Variants in AXIN1 observed in about 807,000 individuals in gnomAD.
AXIN1 encodes the protein axin 1.
AXIN1 carries 30 observed loss-of-function variants against 76.4 expected under a neutral mutation model. That is an observed-to-expected ratio of 0.39 (90% CI 0.29 to 0.53). The LOEUF (loss-of-function observed/expected upper bound fraction) is 0.53, where lower values mean the gene tolerates loss of function less well. Ranked by LOEUF, AXIN1 falls within the 20% of genes least tolerant of loss-of-function variation. The probability of loss-of-function intolerance (pLI) is 0.66; values close to 1 mark genes in which losing one functional copy is unlikely to be tolerated. For missense variants in AXIN1, 1,140 were observed against 1,198.8 expected (o/e 0.95, Z 0.72); for synonymous variants, 545 against 501.4 (o/e 1.09, Z -1.16).
intron 2 of AXIN1, among the ~76,000 whole-genome samples, chr16:333,333 GA>G (rs947297130): frequency 5.0e-5 from 7 of 139,920 alleles, no homozygotes; most frequent in African/African-American, 1.1e-4. Context: ...ATTCCATCTC[GA>G]AAAAAAAAAA....
At chr16:319,537 G>A (rs2053391024) in intron 2 of AXIN1, among the ~76,000 whole-genome samples, 1 of 152,190 alleles carries the variant, frequency 6.6e-6, no homozygotes, top group South Asian at 2.1e-4. Flanking sequence ...GAGAAGCCAT[G>A]AGGCGGCCAG....
At chr16:321,015 G>T (rs2141619208) in intron 2 of AXIN1, among the ~76,000 whole-genome samples, 1 of 152,266 alleles carries the variant, frequency 6.6e-6, no homozygotes, top group African/African-American at 2.4e-5. Context: ...TGGGATTACA[G>T]GCTTAAGCCA....
At chr16:347,949 A>G (rs2054066228) in intron 1 of AXIN1, among the ~76,000 whole-genome samples, 1 of 152,254 alleles carries the variant, frequency 6.6e-6, no homozygotes, top group Non-Finnish European at 1.5e-5. Context: ...GAAGGTACAG[A>G]ATAAAAGGAA....
intron 2 of AXIN1, among the ~76,000 whole-genome samples, chr16:319,344 G>C (rs2053386105): frequency 6.6e-6 from 1 of 152,160 alleles, no homozygotes; most frequent in East Asian, 1.9e-4. Flanking sequence ...AAATGTCGTG[G>C]AGAGGAGGCA....
intron 2 of AXIN1, among the ~76,000 whole-genome samples, chr16:322,165 C>T (rs902268367): frequency 1.4e-4 from 21 of 152,182 alleles, no homozygotes; most frequent in Non-Finnish European, 1.9e-4. Flanking sequence ...ATGCCGCAGG[C>T]GTGAGGCTGG....
intron 4 of AXIN1, among the ~76,000 whole-genome samples, chr16:305,645 G>A (rs897406917): frequency 6.6e-6 from 1 of 152,082 alleles, no homozygotes; most frequent in African/African-American, 2.4e-5. Context: ...CCGGGTTCAC[G>A]CCATTCTCCT....
In AXIN1 at chr16:293,584, G is replaced by A. The variant is rs1407651062; in HGVS notation, c.2090C>T (p.Pro697Leu). 1 of 1,612,614 alleles carries A rather than the reference G, an allele frequency of 6.2e-7. No homozygotes were observed. Among genetic ancestry groups the A allele is most frequent in the East Asian group, 2.2e-5 (1 of 44,876 alleles). The change falls in exon 8 of 11, where the codon CCC (proline) becomes CTC (leucine). Residue 697 changes from proline to leucine, a missense_variant. Pro to Leu is a moderately conservative substitution (Grantham distance 98, BLOSUM62 -3). Transcript: ENST00000262320. This position sits in a 1 kb window ranked among gnomAD's most constrained non-coding sequence, Gnocchi z 4.6. The stretch of plus-strand genomic sequence containing the variant: ...GGTTAGGGGGTTGGGAGCTGGGTGG[G>A]GTGGCATGGTGGGGTCTTGGATGAA... ...HLFIQDPTMP[P>L]HPAPNPLTQL...
intron 2 of AXIN1, among the ~76,000 whole-genome samples, chr16:336,888 G>A (rs56778977): frequency 0.029 from 4,345 of 149,352 alleles, 202 homozygotes; most frequent in African/African-American, 0.095. Context: ...AGTGGCTCAC[G>A]CCTGTAATCC....
chr16:293,976 G>A lies in AXIN1; in HGVS notation c.1956-258C>T, dbSNP rs929323722. Reference sequence around the variant, plus strand: ...GCAGATCACCAGAGGTCGGGAGTTCGAGATCAACCTAACATGGTGAAACCT... The same window carrying A: ...GCAGATCACCAGAGGTCGGGAGTTCAAGATCAACCTAACATGGTGAAACCT... On this transcript the variant is annotated intron_variant, in intron 7 of 10. Coordinates refer to ENST00000262320, the MANE Select transcript of AXIN1 (RefSeq NM_003502.4). The surrounding 1 kb of genome is among the most constrained non-coding windows in gnomAD (Gnocchi z 4.6). Among the ~76,000 whole-genome samples, 12 of 147,632 alleles carry A rather than the reference G, an allele frequency of 8.1e-5. No homozygotes were observed. Among genetic ancestry groups the A allele is most frequent in the Admixed American group, 2.0e-4 (3 of 14,834 alleles).
chr16:296,930 A>G, intron 7 of AXIN1, 126 bp downstream of exon 7: 9 of 1,197,736 alleles, frequency 7.5e-6, no homozygotes, highest in Non-Finnish European at 1.1e-5. Context: ...CCACAGTGAC[A>G]GGGGAAGTGT....
chr16:289,763 A>G (rs1361411372), intron 9 of AXIN1, 156 bp from the exon 10 acceptor site: 1 of 883,886 alleles, frequency 1.1e-6, no homozygotes, highest in South Asian at 1.6e-5. Flanking sequence ...CCCGCACAGC[A>G]TCTCAATCTG....
intron 2 of AXIN1, among the ~76,000 whole-genome samples, chr16:332,657 C>T (rs550532407): frequency 3.9e-5 from 4 of 103,446 alleles, no homozygotes; most frequent in East Asian, 4.9e-4. Flanking sequence ...CAATGTTGAT[C>T]TAAACCAAAA....
rs192038381 is a variant in AXIN1, at chr16:290,033, G to A, written c.2295-426C>T. On this transcript the variant is annotated intron_variant, in intron 9 of 10. Transcript: ENST00000262320. Reference sequence around the variant, plus strand: ...TTCTGGATAAGCCTGACCCCGCAGCGAAGTTTGTCGGAGGACTGGGGCGGG... The same window carrying A: ...TTCTGGATAAGCCTGACCCCGCAGCAAAGTTTGTCGGAGGACTGGGGCGGG... 5 of 272,056 alleles carry A rather than the reference G, an allele frequency of 1.8e-5. 1 individual carries two copies. Among genetic ancestry groups the A allele is most frequent in the South Asian group, 1.6e-4 (4 of 25,112 alleles). 16.9% of individuals were successfully genotyped at this position (272,056 alleles called of 1,614,324 possible). A position where few individuals can be genotyped will look rare whatever the true frequency, so the allele number is the denominator to read the frequency against.
rs1567254500 is a variant in AXIN1, at chr16:288,095, TGGCACAGC to T, written c.*19_*26del. Reference sequence around the variant, plus strand: ...ACCCGTGCCCGCCAAGGGCCTCGCCTGGCACAGCGGCCAGCCCACCAGCCTATCAGTCC... The same window carrying T: ...ACCCGTGCCCGCCAAGGGCCTCGCCTGGCCAGCCCACCAGCCTATCAGTCC... On this transcript the variant is annotated 3_prime_UTR_variant, in exon 11 of 11. Coordinates refer to ENST00000262320, the MANE Select transcript of AXIN1 (RefSeq NM_003502.4). 1 of 1,612,960 alleles carries T rather than the reference TGGCACAGC, an allele frequency of 6.2e-7. No homozygotes were observed. The highest frequency in any genetic ancestry group is 1.3e-5 in the African/African-American group (1 of 75,062).
At chr16:309,827 C>G in intron 4 of AXIN1, 146 bp downstream of exon 4, 1 of 768,046 alleles carries the variant, frequency 1.3e-6, no homozygotes. Flanking sequence ...TGGCCACTTG[C>G]AGATGTTGCT....
At chr16:289,371 CCT>C (rs1459782460) in intron 10 of AXIN1, 67 bp downstream of exon 10, 6 of 1,595,196 alleles carry the variant, frequency 3.8e-6, no homozygotes, top group East Asian at 4.5e-5. Flanking sequence ...GGCTGGAAAC[CCT>C]CTTTTTCATA....
intron 7 of AXIN1, 140 bp downstream of exon 7, chr16:296,916 G>T: frequency 9.4e-7 from 1 of 1,061,848 alleles, no homozygotes; most frequent in Non-Finnish European, 1.4e-6. Context: ...TGCCCGGGAG[G>T]GTGCCACAGT....
chr16:301,673 C>T (rs17136027), intron 5 of AXIN1, among the ~76,000 whole-genome samples: 4,983 of 152,128 alleles, frequency 0.033, 267 homozygotes, highest in African/African-American at 0.11. Flanking sequence ...TGGGAACCTG[C>T]CCTACTAGAA....
chr16:347,131 G>C, intron 1 of AXIN1, 25 bp from the exon 2 acceptor site: 1 of 1,592,960 alleles, frequency 6.3e-7, no homozygotes, highest in Non-Finnish European at 8.5e-7. Context: ...AAGAGGACAA[G>C]GATTAGGAAA....
Sources: allele counts gnomAD v4.1 joint callset (sites outside exome capture counted in the v4.1 genomes callset), GRCh38; gene constraint gnomAD v4.1.1; non-coding constraint Gnocchi (gnomAD v3.1); transcripts MANE v1.5; gene names NCBI Gene and HGNC (gene_info 2026-07-23, HGNC 2026-07-21).